CACNG6: variants seen among roughly 807,000 people sequenced by gnomAD.
The protein encoded by CACNG6 is voltage-dependent calcium channel gamma-6 subunit.
Under a neutral mutation model 23.9 loss-of-function variants are expected in CACNG6, and 21 were observed. The observed-to-expected ratio is 0.88, with a 90% CI of 0.62 to 1.26. The LOEUF (loss-of-function observed/expected upper bound fraction) is 1.26, where lower values mean the gene tolerates loss of function less well. Among genes scored for constraint, CACNG6 ranks in the 50% most tolerant of loss-of-function variants. CACNG6 has a pLI of 0.00. For missense variants in CACNG6, 340 were observed against 352.9 expected, an observed-to-expected ratio of 0.96 and a Z score of 0.29; for synonymous variants, 182 against 168.9, an observed-to-expected ratio of 1.08 and a Z score of -0.60.
chr19:54,005,441 A>T (rs1234996411), intron 3 of CACNG6, among the ~76,000 whole-genome samples: 1 of 149,992 alleles, frequency 6.7e-6, no homozygotes, highest in Admixed American at 6.7e-5. Context: ...ATCTCAAAAA[A>T]AAATAGATAA....
chr19:54,011,219 T>TACAC (rs748738993), intron 3 of CACNG6, among the ~76,000 whole-genome samples: 1,199 of 67,610 alleles, frequency 0.018, 34 homozygotes, highest in East Asian at 0.093. Context: ...TATATATATA[T>TACAC]ATATATATAC....
At chr19:54,000,154 G>A (rs565196231) in intron 3 of CACNG6, among the ~76,000 whole-genome samples, 212 of 152,310 alleles carry the variant, frequency 1.4e-3, no homozygotes, top group African/African-American at 4.6e-3. Context: ...TAGAGAAAGC[G>A]CAAGGACTAT....
rs754774879 is a variant in CACNG6, at chr19:53,999,757, G to A, written c.530G>A (p.Cys177Tyr). 1 of 1,613,862 alleles carries A rather than the reference G, an allele frequency of 6.2e-7. No homozygotes were observed. Among genetic ancestry groups the A allele is most frequent in the African/African-American group, 1.3e-5 (1 of 74,946 alleles). The part of the protein sequence containing the change: ...AEFLLRVGAV[C>Y]FGLSGLLLLV... ...TTCCTGCTCCGAGTTGGAGCCGTCT[G>A]CTTTGGCCTCTCAGGTGAGGGTTCA... Residue 177 changes from cysteine (C) to tyrosine (Y), a missense_variant, in exon 3 of 4, where the codon TGC becomes TAC. Cys to Tyr is a radical substitution (Grantham distance 194). Coordinates refer to ENST00000252729, the MANE Select transcript of CACNG6 (RefSeq NM_145814.2).
At chr19:53,996,877 T>C (rs2069526195) in intron 1 of CACNG6, among the ~76,000 whole-genome samples, 1 of 147,116 alleles carries the variant, frequency 6.8e-6, no homozygotes, top group South Asian at 2.2e-4. Context: ...TTTTTTTTTT[T>C]TTTTTTTTTG....
At chr19:54,009,784 A>T (rs403301) in intron 3 of CACNG6, among the ~76,000 whole-genome samples, 4,076 of 61,720 alleles carry the variant, frequency 0.066, 182 homozygotes, top group African/African-American at 0.25. Flanking sequence ...TGCTTTTTTT[A>T]AAAAAAAAAA....
chr19:54,003,755 C>T (rs2069604757), intron 3 of CACNG6, among the ~76,000 whole-genome samples: 1 of 152,208 alleles, frequency 6.6e-6, no homozygotes, highest in African/African-American at 2.4e-5. Context: ...GGCTATATTT[C>T]CCCGAGGTAA....
In CACNG6 at chr19:53,998,304, A is replaced by C; in HGVS notation, c.397A>C (p.Thr133Pro). 1 of 1,613,862 alleles carries C rather than the reference A, an allele frequency of 6.2e-7. No homozygotes were observed. Among genetic ancestry groups the C allele is most frequent in the Non-Finnish European group, 8.5e-7 (1 of 1,179,870 alleles). Residue 133 changes from threonine (T) to proline (P), a missense_variant, in exon 2 of 4, where the codon ACA becomes CCA. Thr to Pro is a conservative substitution (Grantham distance 38, BLOSUM62 -1). Transcript: ENST00000252729. ...GENARIFQRT[T>P]KKEVNLAAAV... is the part of the protein sequence containing the mutation. ...GAATGCACGCATCTTTCAGAGAACC[A>C]CAAAGAAAGGTGAGAACTTTTCACC...
At chr19:54,008,064 A>G (rs1358112332) in intron 3 of CACNG6, among the ~76,000 whole-genome samples, 1 of 152,134 alleles carries the variant, frequency 6.6e-6, no homozygotes. Flanking sequence ...CCTGAATCAA[A>G]ACCACAGTGA....
At position 54,006,034 on chromosome 19, in the gene CACNG6, G is replaced by A. The variant is rs568967574; in HGVS notation, c.545-5917G>A. ...GAACCTGGGAGGTGGAGGTAGAAGT[G>A]AGCTGAGATCGCACCACTGCACTCC... On this transcript the variant is annotated intron_variant, in intron 3 of 3. Transcript: ENST00000252729. Among the ~76,000 whole-genome samples the A allele has an allele frequency of 2.0e-5, 3 of 151,032 alleles. No individual in the cohort carries two copies. In the South Asian group the frequency reaches 6.3e-4, roughly 32 times the overall value.
intron 3 of CACNG6, among the ~76,000 whole-genome samples, chr19:54,010,582 T>C (rs1463918535): frequency 6.6e-6 from 1 of 152,142 alleles, no homozygotes; most frequent in African/African-American, 2.4e-5. Flanking sequence ...TATTTATTTA[T>C]ATATTTTTAA....
At chr19:54,008,280 G>A (rs1276118556) in intron 3 of CACNG6, among the ~76,000 whole-genome samples, 2 of 152,112 alleles carry the variant, frequency 1.3e-5, no homozygotes, top group African/African-American at 4.8e-5. Flanking sequence ...TTGAACCCGA[G>A]AGGCAGAGGC....
At chr19:54,003,758 C>T (rs546459190) in intron 3 of CACNG6, among the ~76,000 whole-genome samples, 7 of 152,314 alleles carry the variant, frequency 4.6e-5, no homozygotes, top group African/African-American at 9.6e-5. Flanking sequence ...TATATTTCCC[C>T]GAGGTAATTT....
intron 3 of CACNG6, among the ~76,000 whole-genome samples, chr19:54,009,650 C>G (rs2069683076): frequency 6.6e-6 from 1 of 151,920 alleles, no homozygotes; most frequent in Non-Finnish European, 1.5e-5. Context: ...CTTTCTCATG[C>G]CCCCTGCAGG....
At position 53,992,938 on chromosome 19, in the gene CACNG6, C is replaced by A; in HGVS notation, c.61C>A (p.Arg21=). 1 of 1,385,174 alleles carries A rather than the reference C, an allele frequency of 7.2e-7. No individual in the cohort carries two copies. The allele number at this position is 1,385,174 out of a possible 1,614,324, so 85.8% of individuals were successfully genotyped here. Residue 21 remains arginine, a synonymous_variant, in exon 1 of 4, where the codon CGG becomes AGG. Transcript: ENST00000252729. The surrounding 1 kb of genome is among the most constrained non-coding windows in gnomAD (Gnocchi z 4.1). ...CCGGCGGCGGGGGGCCGCGGGCCGGCGGCGGGCGCACGGGCAGGGCAGGTC... is the reference window on the plus strand; with the variant it reads ...CCGGCGGCGGGGGGCCGCGGGCCGGAGGCGGGCGCACGGGCAGGGCAGGTC... ...ENRRRGAAGR[R]RAHGQGRSGL...
chr19:54,009,115 C>G lies in CACNG6; in HGVS notation c.545-2836C>G, dbSNP rs142185061. 7.5e-3 allele frequency among the ~76,000 whole-genome samples: 1,149 copies of G among 152,226 alleles called. 12 individuals carry two copies. The highest frequency in any genetic ancestry group is 0.027 in the African/African-American group (1,102 of 41,538). On this transcript the variant is annotated intron_variant, in intron 3 of 3. Coordinates refer to ENST00000252729, the MANE Select transcript of CACNG6 (RefSeq NM_145814.2). ...ACCAGCCTGGCCAACATGGTGAAAC[C>G]ATGACTCTACTAAAAATACAAAAAT...
chr19:53,994,910 C>A (rs2069505338), intron 1 of CACNG6, among the ~76,000 whole-genome samples: 1 of 152,138 alleles, frequency 6.6e-6, no homozygotes. Flanking sequence ...CAAACTTTTG[C>A]AAAATGGGAG....
chr19:54,011,784 G>T (rs2069717992), intron 3 of CACNG6, among the ~76,000 whole-genome samples, 167 bp from the exon 4 acceptor site: 1 of 138,426 alleles, frequency 7.2e-6, no homozygotes, highest in South Asian at 2.3e-4. Flanking sequence ...TTTATCTCCA[G>T]CTTCCCAAAT....
intron 2 of CACNG6, 72 bp downstream of exon 2, chr19:53,998,385 G>C (rs2069542676): frequency 2.9e-6 from 4 of 1,363,872 alleles, no homozygotes; most frequent in Middle Eastern, 1.8e-4. Context: ...GTTCTAGAGA[G>C]AGTTATCCCC....
chr19:54,011,829 T>C, intron 3 of CACNG6, 122 bp from the exon 4 acceptor site: 3 of 499,686 alleles, frequency 6.0e-6, no homozygotes, highest in Non-Finnish European at 1.0e-5. Context: ...TAGTAAGTAT[T>C]TGTTGAGTGC....
Sources: gnomAD v4.1 joint callset for allele counts (sites outside exome capture counted in the v4.1 genomes callset) on GRCh38, gnomAD v4.1.1 for gene constraint, Gnocchi (gnomAD v3.1) non-coding constraint, MANE v1.5 for transcripts, NCBI Gene and HGNC (gene_info 2026-07-23, HGNC 2026-07-21) for gene names.